The following SYAP1 variants were observed in gnomAD, a reference collection of about 807,000 sequenced individuals.
SYAP1 encodes synapse associated protein 1.
SYAP1 carries 3 observed loss-of-function variants against 29.6 expected under a neutral mutation model. The observed-to-expected ratio is 0.10, with a 90% CI of 0.05 to 0.26. The LOEUF is 0.26. Among genes scored for constraint, SYAP1 ranks in the 10% least tolerant of loss-of-function variants. The pLI, the probability that SYAP1 is intolerant of heterozygous loss-of-function variation, is 1.00. For missense variants in SYAP1, 217 were observed against 264.1 expected (o/e 0.82, Z 1.24); for synonymous variants, 102 against 102.7 (o/e 0.99, Z 0.04).
intron 4 of SYAP1, among the ~76,000 whole-genome samples, chrX:16,742,877 G>A (rs1926500356): frequency 9.6e-6 from 1 of 104,658 alleles, no homozygotes; most frequent in Non-Finnish European, 1.9e-5. Context: ...ACTTCCCAAA[G>A]TGCTGGATTA....
At chrX:16,724,198 T>C (rs1926031126) in intron 1 of SYAP1, among the ~76,000 whole-genome samples, 1 of 111,709 alleles carries the variant, frequency 9.0e-6, no homozygotes, top group African/African-American at 3.3e-5. Context: ...GCAGGCACAG[T>C]AGAGTCACAC....
At chrX:16,749,696 A>G (rs1475562074) in intron 5 of SYAP1, among the ~76,000 whole-genome samples, 3 of 110,366 alleles carry the variant, frequency 2.7e-5, no homozygotes, top group Admixed American at 2.0e-4. Context: ...CAGGTGGATC[A>G]CTTGAGGTCA....
rs776996172 is a variant in SYAP1, at chrX:16,744,918, A to T, written c.575+1078A>T. 4.5e-5 allele frequency among the ~76,000 whole-genome samples: 5 copies of T among 111,954 alleles called. No individual in the cohort carries two copies. The South Asian group carries it at 1.5e-3, about 33-fold the overall frequency. ...GAGGTCGACGCTGCAGTGAGCCATGATCACGCCACTGGCATTCCAGCCTGG... is the reference window on the plus strand; with the variant it reads ...GAGGTCGACGCTGCAGTGAGCCATGTTCACGCCACTGGCATTCCAGCCTGG... On this transcript the variant is annotated intron_variant, in intron 5 of 8. Coordinates refer to ENST00000380155, the MANE Select transcript of SYAP1 (RefSeq NM_032796.4).
At chrX:16,722,388 C>T (rs1176086997) in intron 1 of SYAP1, among the ~76,000 whole-genome samples, 2 of 110,285 alleles carry the variant, frequency 1.8e-5, no homozygotes, top group South Asian at 3.9e-4. Flanking sequence ...ATTAGCTGGG[C>T]GTGGTGGTGC....
rs561769377 is a variant in SYAP1 at position 16,735,592 on chromosome X, G to T, written c.294+247G>T. Reference sequence around the variant, plus strand: ...ACAATCAATACATTGATACTTGGGGGTTATACTAAACTTTTCATGTTGGTT... The same window carrying T: ...ACAATCAATACATTGATACTTGGGGTTTATACTAAACTTTTCATGTTGGTT... On this transcript the variant is annotated intron_variant, in intron 2 of 8. Transcript: ENST00000380155. Among the ~76,000 whole-genome samples, 58 of 111,640 alleles carry T rather than the reference G, an allele frequency of 5.2e-4. No individual in the cohort carries two copies. The South Asian group carries it at 0.021, about 40-fold the overall frequency.
intron 3 of SYAP1, among the ~76,000 whole-genome samples, chrX:16,741,411 G>T (rs769489770): frequency 7.2e-5 from 8 of 110,368 alleles, no homozygotes; most frequent in South Asian, 7.6e-4. Flanking sequence ...GCCCAAGCTG[G>T]TCTGCAACTC....
At chrX:16,755,170 G>T (rs1451446998) in intron 6 of SYAP1, 77 bp downstream of exon 6, 2 of 1,023,423 alleles carry the variant, frequency 2.0e-6, no homozygotes, top group Non-Finnish European at 2.7e-6. Flanking sequence ...CCTCTTATAC[G>T]TACCAGAAAT....
chrX:16,747,401 G>T (rs764700465), intron 5 of SYAP1, among the ~76,000 whole-genome samples: 6 of 112,078 alleles, frequency 5.4e-5, no homozygotes, highest in Non-Finnish European at 1.1e-4. Flanking sequence ...GGGTGCAGAT[G>T]CCCTTTACAC....
chrX:16,752,022 C>T (rs1217403530), intron 5 of SYAP1, among the ~76,000 whole-genome samples: 1 of 96,440 alleles, frequency 1.0e-5, no homozygotes, highest in Non-Finnish European at 2.0e-5. Context: ...TACTCTCGTC[C>T]AGGCTGGAGT....
intron 1 of SYAP1, among the ~76,000 whole-genome samples, chrX:16,725,558 T>G (rs1926067898): frequency 8.9e-6 from 1 of 112,212 alleles, no homozygotes; most frequent in South Asian, 3.7e-4. Flanking sequence ...AATAAATCAC[T>G]TCTTGTCTTT....
intron 5 of SYAP1, among the ~76,000 whole-genome samples, chrX:16,744,407 T>C (rs1227315328): frequency 8.9e-6 from 1 of 112,812 alleles, no homozygotes; most frequent in Non-Finnish European, 1.9e-5. Flanking sequence ...TCCAGTCCCT[T>C]GTATTGAAGC....
rs190652761 is a variant in SYAP1, at chrX:16,751,971, C to T, written c.576-2974C>T. 8.3e-5 allele frequency among the ~76,000 whole-genome samples: 8 copies of T among 96,341 alleles called. No individual in the cohort carries two copies. In the South Asian group the frequency reaches 1.4e-3, roughly 17 times the overall value. The allele number at this position is 96,341 out of a possible 115,157, so 83.7% of individuals were successfully genotyped here. On this transcript the variant is annotated intron_variant, in intron 5 of 8. Transcript: ENST00000380155. ...GATTACAGGCATGAGCCACTGCACC[C>T]GGCCTTTTTTTTTTTTTTTTTTTTT...
chrX:16,747,131 T>C (rs1006137304), intron 5 of SYAP1, among the ~76,000 whole-genome samples: 7 of 111,261 alleles, frequency 6.3e-5, no homozygotes, highest in African/African-American at 2.3e-4. Context: ...TTAACTTTTT[T>C]AGAGATAGGG....
intron 8 of SYAP1, among the ~76,000 whole-genome samples, chrX:16,758,400 T>G (rs1423730159): frequency 9.4e-6 from 1 of 105,934 alleles, no homozygotes; most frequent in East Asian, 3.0e-4. Context: ...CAGGCTGGAG[T>G]GCAGTGGTGC....
intron 5 of SYAP1, among the ~76,000 whole-genome samples, chrX:16,754,626 G>A (rs1190963357): frequency 9.0e-6 from 1 of 110,567 alleles, no homozygotes; most frequent in Admixed American, 9.8e-5. Flanking sequence ...AACTCGGGAG[G>A]CTGAGGCAAG....
intron 1 of SYAP1, among the ~76,000 whole-genome samples, chrX:16,722,531 A>C (rs1454257095): frequency 2.9e-5 from 3 of 104,942 alleles, no homozygotes; most frequent in African/African-American, 1.0e-4. Flanking sequence ...GCATCTCACA[A>C]AAAAAAAAAA....
At chrX:16,732,777 G>A (rs1486670385) in intron 1 of SYAP1, among the ~76,000 whole-genome samples, 2 of 111,804 alleles carry the variant, frequency 1.8e-5, no homozygotes, top group Non-Finnish European at 3.8e-5. Context: ...CATTTGTTCT[G>A]TCACTCCCCA....
chrX:16,724,061 A>T (rs1349372252), intron 1 of SYAP1, among the ~76,000 whole-genome samples: 10 of 112,393 alleles, frequency 8.9e-5, no homozygotes, highest in African/African-American at 3.2e-4. Flanking sequence ...AGGTTTGATG[A>T]TTGGCTAGGA....
chrX:16,735,373 A>T, intron 2 of SYAP1, 28 bp downstream of exon 2: 2 of 917,853 alleles, frequency 2.2e-6, no homozygotes, highest in Non-Finnish European at 3.1e-6. Context: ...TTGGAAGTAG[A>T]AATGTATGAA....
Sources: gnomAD v4.1 joint callset for allele counts (sites outside exome capture counted in the v4.1 genomes callset) on GRCh38, gnomAD v4.1.1 for gene constraint, MANE v1.5 for transcripts, NCBI Gene and HGNC (gene_info 2026-07-23, HGNC 2026-07-21) for gene names.